MTIF2: variants seen among roughly 807,000 people sequenced by gnomAD.
MTIF2 encodes the protein mitochondrial translational initiation factor 2, also known as translation initiation factor IF-2, mitochondrial.
In MTIF2, 71 loss-of-function variants were observed where a neutral mutation model predicts 83.5. The observed-to-expected ratio is 0.85, with a 90% CI of 0.70 to 1.04. MTIF2 has a LOEUF of 1.04. MTIF2 is among the 50% of genes least tolerant of loss of function. The pLI is 0.00. For synonymous variants in MTIF2, 319 were observed against 287.1 expected (o/e 1.11, Z -1.12); for missense variants, 957 against 846.5 (o/e 1.13, Z -1.62).
Position 55,246,364 on chromosome 2 carries a change from A to C in MTIF2, c.1079T>G (p.Ile360Arg). 1 of 1,613,922 alleles carries C rather than the reference A, an allele frequency of 6.2e-7. No individual in the cohort carries two copies. The highest frequency in any genetic ancestry group is 8.5e-7 in the Non-Finnish European group (1 of 1,179,872). The stretch of plus-strand genomic sequence containing the variant: ...TCTTCCTTTGTCTGTGAAAGACTCT[A>C]TTACTGTTCCTTCCACTGGACCATT... ...DPNGPVEGTV[I>R]ESFTDKGRGL... is the part of the protein sequence containing the mutation. Residue 360 changes from isoleucine to arginine, a missense_variant, in exon 10 of 16, where the codon ATA becomes AGA. By Grantham distance (97) the Ile-to-Arg change is moderately conservative. Around this residue, in one of 3 missense-constraint regions of MTIF2, gnomAD observed 733 missense variants for 648.7 expected, o/e 1.13. Transcript: ENST00000263629.
chr2:55,248,235 G>A (rs1465288334), intron 9 of MTIF2, among the ~76,000 whole-genome samples: 1 of 152,176 alleles, frequency 6.6e-6, no homozygotes, highest in Non-Finnish European at 1.5e-5. Flanking sequence ...GGCTTTCAGA[G>A]TGCAATAACA....
intron 13 of MTIF2, 134 bp from the exon 14 acceptor site, chr2:55,240,309 A>G (rs1676208333): frequency 2.5e-6 from 2 of 813,386 alleles, no homozygotes; most frequent in Admixed American, 5.5e-5. Flanking sequence ...GGCCAGGTGC[A>G]GTGGCTCACG....
In MTIF2 at chr2:55,254,741, T is replaced by A. The variant is rs140735121; in HGVS notation, c.416A>T (p.Lys139Ile). 2.7e-4 allele frequency: 434 copies of A among 1,611,342 alleles called. No individual in the cohort carries two copies. Among genetic ancestry groups the A allele is most frequent in the Non-Finnish European group, 3.5e-4 (408 of 1,178,944 alleles). ...ADSHLDEVWIKEVITKAGMKL... is the reference protein window; with the variant it reads ...ADSHLDEVWIIEVITKAGMKL... ...CATCCCTGCCTTCGTTATCACTTCT[T>A]TGATCCAGACTTCATCTAAATGTGA... is the stretch of plus-strand genomic sequence containing the variant. Residue 139 changes from lysine to isoleucine, a missense_variant, in exon 6 of 16, where the codon AAA (lysine) becomes ATA (isoleucine). By Grantham distance (102) the Lys-to-Ile change is moderately radical. Coordinates refer to ENST00000263629, the MANE Select transcript of MTIF2 (RefSeq NM_002453.3).
intron 3 of MTIF2, 97 bp from the exon 4 acceptor site, chr2:55,263,962 C>T (rs1573924358): frequency 2.3e-6 from 2 of 872,900 alleles, no homozygotes; most frequent in Non-Finnish European, 3.6e-6. Context: ...CTACACTTAG[C>T]TCACTAGACT....
intron 14 of MTIF2, among the ~76,000 whole-genome samples, chr2:55,239,643 C>T (rs1422381373): frequency 6.6e-6 from 1 of 152,080 alleles, no homozygotes; most frequent in South Asian, 2.1e-4. Flanking sequence ...TGTAAATTTT[C>T]TTCTTATGGT....
In MTIF2 at chr2:55,263,871, G is replaced by GA. The variant is rs151189093; in HGVS notation, c.-7-7dup. 0.087 allele frequency: 121,393 copies of GA among 1,399,306 alleles called. 2,046 individuals carry two copies. The highest frequency in any genetic ancestry group is 0.17 in the Admixed American group (7,930 of 47,480). 86.7% of individuals were successfully genotyped at this position (1,399,306 alleles called of 1,614,324 possible). A position where few individuals can be genotyped will look rare whatever the true frequency, so the allele number is the denominator to read the frequency against. Reference sequence around the variant, plus strand: ...GCTTCTGGTTCATGTTTCTCCTGGGGAAAAAAAAAAGGTTTTAAAATAATA... The same window carrying GA: ...GCTTCTGGTTCATGTTTCTCCTGGGGAAAAAAAAAAAGGTTTTAAAATAATA... On this transcript the variant is annotated splice_region_variant and splice_polypyrimidine_tract_variant and intron_variant, in intron 3 of 15. Transcript: ENST00000263629.
At chr2:55,238,240 T>C (rs976110046) in intron 14 of MTIF2, among the ~76,000 whole-genome samples, 5 of 151,730 alleles carry the variant, frequency 3.3e-5, no homozygotes, top group Non-Finnish European at 5.9e-5. Context: ...TGGTCTTGAA[T>C]TCGTGGCCTC....
Position 55,246,456 on chromosome 2 carries a change from A to G in MTIF2, c.987T>C (p.Asp329=), listed in dbSNP as rs577570706. 1 of 1,613,550 alleles carries G rather than the reference A, an allele frequency of 6.2e-7. No homozygotes were observed. Among genetic ancestry groups the G allele is most frequent in the Admixed American group, 1.7e-5 (1 of 59,984 alleles). The change falls in exon 10 of 16, where the codon GAT becomes GAC. Residue 329 remains aspartate (D), a synonymous_variant. Transcript: ENST00000263629. The part of the protein sequence containing the change: ...QAVPVSALTG[D]NLMALAEATV... ...TTGCTTCTGCCAAAGCCATCAGATTATCGCCCTTTAACAATAACAAACGTT... is the reference window on the plus strand; with the variant it reads ...TTGCTTCTGCCAAAGCCATCAGATTGTCGCCCTTTAACAATAACAAACGTT...
intron 10 of MTIF2, among the ~76,000 whole-genome samples, chr2:55,245,393 G>A (rs1180605898): frequency 6.6e-6 from 1 of 152,054 alleles, no homozygotes; most frequent in Non-Finnish European, 1.5e-5. Context: ...ATGGTGGTGG[G>A]TGCCTGTAAA....
In MTIF2 at chr2:55,244,219, G is replaced by C. The variant is rs768519104; in HGVS notation, c.1121C>G (p.Ala374Gly). Residue 374 changes from alanine (A) to glycine (G), a missense_variant, in exon 11 of 16, where the codon GCT (alanine) becomes GGT (glycine). Around this residue, in one of 3 missense-constraint regions of MTIF2, gnomAD observed 733 missense variants for 648.7 expected, o/e 1.13. Coordinates refer to ENST00000263629, the MANE Select transcript of MTIF2 (RefSeq NM_002453.3). The stretch of plus-strand genomic sequence containing the variant: ...TCTTAAAGTTCCTCTTTGAATTATA[G>C]CTGTAGTAACAAGACTAAAATGAAA... ...TDKGRGLVTTAIIQRGTLRKG... is the reference protein window; with the variant it reads ...TDKGRGLVTTGIIQRGTLRKG... 6.2e-7 allele frequency: 1 copy of C among 1,612,532 alleles called. No homozygotes were observed. The highest frequency in any genetic ancestry group is 8.5e-7 in the Non-Finnish European group (1 of 1,178,754).
At chr2:55,263,526 C>T (rs1678192844) in intron 4 of MTIF2, 114 bp downstream of exon 4, 8 of 760,238 alleles carry the variant, frequency 1.1e-5, no homozygotes, top group Non-Finnish European at 1.5e-5. Flanking sequence ...AGGAGAATTG[C>T]TTAAACCCAA....
intron 3 of MTIF2, among the ~76,000 whole-genome samples, chr2:55,265,201 C>T (rs1267014390): frequency 1.3e-5 from 2 of 150,886 alleles, no homozygotes; most frequent in Admixed American, 6.6e-5. Flanking sequence ...CGAGATCATG[C>T]CATTGCACTC....
chr2:55,261,635 A>G (rs1678002710), intron 5 of MTIF2, among the ~76,000 whole-genome samples: 1 of 152,016 alleles, frequency 6.6e-6, no homozygotes, highest in Non-Finnish European at 1.5e-5. Flanking sequence ...AGAGTGAAAA[A>G]AAGGAAATCA....
intron 5 of MTIF2, among the ~76,000 whole-genome samples, chr2:55,258,973 TC>T (rs1677755454): frequency 6.6e-6 from 1 of 151,964 alleles, no homozygotes; most frequent in Non-Finnish European, 1.5e-5. Context: ...AGAGTGAAAC[TC>T]TGTTCAAAAA....
chr2:55,237,722 C>G (rs1351000420), intron 14 of MTIF2, among the ~76,000 whole-genome samples: 1 of 131,562 alleles, frequency 7.6e-6, no homozygotes, highest in Non-Finnish European at 1.5e-5. Context: ...GTGATCTTGG[C>G]TCACTGCAAC....
intron 2 of MTIF2, 79 bp downstream of exon 2, chr2:55,268,499 G>GT (rs1678599389): frequency 6.6e-6 from 1 of 152,010 alleles, no homozygotes; most frequent in Admixed American, 6.6e-5. Flanking sequence ...GCACAGATAT[G>GT]TAATTGAGGC....
At position 55,246,337 on chromosome 2, in the gene MTIF2, C is replaced by T. The variant is rs774752984; in HGVS notation, c.1106G>A (p.Gly369Asp). Residue 369 changes from glycine (G) to aspartate (D), a missense_variant and splice_region_variant, in exon 10 of 16, where the codon GGT becomes GAT. Transcript: ENST00000263629. ...VIESFTDKGR[G>D]LVTTAIIQRG... Reference sequence around the variant, plus strand: ...AAGGCAAGCATTTTAAGAGTCCTACCCTCTTCCTTTGTCTGTGAAAGACTC... The same window carrying T: ...AAGGCAAGCATTTTAAGAGTCCTACTCTCTTCCTTTGTCTGTGAAAGACTC... The T allele has an allele frequency of 1.2e-5, 20 of 1,612,380 alleles. No individual in the cohort carries two copies. The highest frequency in any genetic ancestry group is 1.6e-5 in the Non-Finnish European group (19 of 1,179,038).
intron 5 of MTIF2, among the ~76,000 whole-genome samples, chr2:55,260,387 T>G (rs1350371495): frequency 1.5e-4 from 19 of 128,882 alleles, no homozygotes; most frequent in Middle Eastern, 4.7e-3. Context: ...TTAACAAGAG[T>G]GAAACTCTGT....
Position 55,243,503 on chromosome 2 carries a change from G to C in MTIF2, c.1477C>G (p.Arg493Gly), listed in dbSNP as rs765482157. Residue 493 changes from arginine (R) to glycine (G), a missense_variant, in exon 12 of 16, where the codon CGG (arginine) becomes GGG (glycine). Around this residue, in one of 3 missense-constraint regions of MTIF2, gnomAD observed 733 missense variants for 648.7 expected, o/e 1.13. Coordinates refer to ENST00000263629, the MANE Select transcript of MTIF2 (RefSeq NM_002453.3). ...HLLWKKRSIL[R>G]FLERKEQIPL... ...ATTTGTTCTTTTCTTTCTAAAAACC[G>C]TAGAATTGATCTCTTCTTCCACAGT... 3 of 1,613,802 alleles carry C rather than the reference G, an allele frequency of 1.9e-6. No homozygotes were observed.
Sources: gnomAD v4.1 joint callset for allele counts (sites outside exome capture counted in the v4.1 genomes callset) on GRCh38, gnomAD v4.1.1 for gene constraint, gnomAD v4.1.1 regional missense constraint, MANE v1.5 for transcripts, NCBI Gene and HGNC (gene_info 2026-07-23, HGNC 2026-07-21) for gene names.